The following SRRM3 variants were observed in gnomAD, a reference collection of about 807,000 sequenced individuals.
The protein encoded by SRRM3 is serine/arginine repetitive matrix protein 3.
SRRM3 carries 27 observed loss-of-function variants against 66.2 expected under a neutral mutation model. The ratio of observed to expected loss-of-function variants is 0.41; its 90% CI spans 0.30 to 0.56. The LOEUF (loss-of-function observed/expected upper bound fraction) is 0.56. Ranked by LOEUF, SRRM3 falls within the 20% of genes least tolerant of loss-of-function variation. The pLI is 0.32. For synonymous variants in SRRM3, 391 were observed against 414.9 expected (o/e 0.94, Z 0.70); for missense variants, 918 against 991.9 (o/e 0.93, Z 1.00).
At chr7:76,256,363 C>G (rs782475925) in intron 3 of SRRM3, among the ~76,000 whole-genome samples, 7 of 151,900 alleles carry the variant, frequency 4.6e-5, no homozygotes, top group Non-Finnish European at 1.0e-4. Flanking sequence ...AAAAATTGGC[C>G]GGGCGTGGTG....
At chr7:76,266,299 TATAA>T (rs1452590938) in intron 10 of SRRM3, among the ~76,000 whole-genome samples, 2 of 113,306 alleles carry the variant, frequency 1.8e-5, no homozygotes, top group African/African-American at 7.2e-5. Context: ...ATATATTTAA[TATAA>T]ATATTAACAT....
intron 1 of SRRM3, among the ~76,000 whole-genome samples, chr7:76,223,217 A>G (rs1251169574): frequency 5.3e-5 from 8 of 152,134 alleles, no homozygotes; most frequent in African/African-American, 1.9e-4. Context: ...GACCTGAATG[A>G]ATGACCCAAC....
intron 11 of SRRM3, 119 bp from the exon 12 acceptor site, chr7:76,281,322 G>T: frequency 1.5e-6 from 1 of 684,906 alleles, no homozygotes; most frequent in Admixed American, 5.3e-5. Context: ...TTCTGTCTCT[G>T]TCTCTGTCTC....
chr7:76,282,714 G>A lies in SRRM3; in HGVS notation c.1437G>A (p.Arg479=), dbSNP rs1308407070. The A allele has an allele frequency of 9.8e-6, 14 of 1,425,342 alleles. 1 individual carries two copies. The highest frequency in any genetic ancestry group is 5.9e-5 in the Admixed American group (2 of 33,756). The allele number at this position is 1,425,342 out of a possible 1,614,324, so 88.3% of individuals were successfully genotyped here. Residue 479 remains arginine, a synonymous_variant, in exon 13 of 15, where the codon CGG becomes CGA. Transcript: ENST00000611745. ...STSPSPGAHG[R]RGGPEGKSSS... is the part of the protein sequence containing the mutation. ...CTCCGTCCCCGGGCGCGCACGGCCG[G>A]CGCGGCGGCCCAGAAGGGAAGAGCT...
At chr7:76,219,920 A>T (rs1229161813) in intron 1 of SRRM3, among the ~76,000 whole-genome samples, 1 of 152,086 alleles carries the variant, frequency 6.6e-6, no homozygotes, top group East Asian at 1.9e-4. Context: ...AAAAACAAAC[A>T]AACAAACAAA....
intron 1 of SRRM3, among the ~76,000 whole-genome samples, chr7:76,217,665 A>T (rs1449692039): frequency 6.6e-6 from 1 of 152,174 alleles, no homozygotes; most frequent in Non-Finnish European, 1.5e-5. Flanking sequence ...CACTGCTTAC[A>T]GGCTGGCACA....
intron 6 of SRRM3, 131 bp downstream of exon 6, chr7:76,261,034 GT>G: frequency 1.0e-6 from 1 of 990,744 alleles, no homozygotes. Context: ...CAAGGTGCAA[GT>G]TTTGCCCCTA....
At chr7:76,266,269 TTTAA>T (rs1802038769) in intron 10 of SRRM3, among the ~76,000 whole-genome samples, 3 of 75,550 alleles carry the variant, frequency 4.0e-5, no homozygotes, top group African/African-American at 1.3e-4. Context: ...TATATTTATA[TTTAA>T]TTATATTATA....
chr7:76,257,220 A>C (rs1296900245), intron 3 of SRRM3, among the ~76,000 whole-genome samples: 1 of 151,998 alleles, frequency 6.6e-6, no homozygotes, highest in East Asian at 1.9e-4. Flanking sequence ...TCATGTTCTT[A>C]ATGCTCTGCC....
chr7:76,228,169 C>A (rs1436024001), intron 1 of SRRM3, among the ~76,000 whole-genome samples: 1 of 152,082 alleles, frequency 6.6e-6, no homozygotes, highest in Non-Finnish European at 1.5e-5. Context: ...CACACCTGGG[C>A]AGAACTGCTT....
At chr7:76,240,805 C>T (rs563079480) in intron 2 of SRRM3, among the ~76,000 whole-genome samples, 22 of 152,200 alleles carry the variant, frequency 1.4e-4, no homozygotes, top group African/African-American at 5.1e-4. Context: ...TGGGGGAACA[C>T]GTGGGCCAAG....
intron 8 of SRRM3, 56 bp downstream of exon 8, chr7:76,261,637 A>T: frequency 1.9e-6 from 3 of 1,568,796 alleles, no homozygotes; most frequent in South Asian, 2.3e-5. Flanking sequence ...CCAAAGCCCA[A>T]AGGACGCAAT....
intron 1 of SRRM3, among the ~76,000 whole-genome samples, chr7:76,218,111 T>G (rs894123466): frequency 6.6e-6 from 1 of 152,156 alleles, no homozygotes; most frequent in Non-Finnish European, 1.5e-5. Context: ...CTCCCAGGTG[T>G]GAGCCTGGAG....
chr7:76,244,943 G>A (rs1801401707), intron 2 of SRRM3, among the ~76,000 whole-genome samples: 1 of 152,246 alleles, frequency 6.6e-6, no homozygotes, highest in Non-Finnish European at 1.5e-5. Flanking sequence ...CTGCCTCTGG[G>A]AACCAGACAA....
At chr7:76,225,687 C>G (rs1244169459) in intron 1 of SRRM3, among the ~76,000 whole-genome samples, 4 of 152,112 alleles carry the variant, frequency 2.6e-5, no homozygotes, top group Non-Finnish European at 4.4e-5. Flanking sequence ...TTGAGACCAG[C>G]CTGGGCAACA....
intron 2 of SRRM3, among the ~76,000 whole-genome samples, chr7:76,244,866 C>T (rs1238902188): frequency 1.3e-5 from 2 of 152,248 alleles, no homozygotes; most frequent in African/African-American, 4.8e-5. Flanking sequence ...CTCTCTATCA[C>T]CAGTCACTCA....
intron 1 of SRRM3, among the ~76,000 whole-genome samples, chr7:76,210,741 A>G (rs1200297123): frequency 2.0e-5 from 3 of 151,980 alleles, no homozygotes; most frequent in Non-Finnish European, 2.9e-5. Flanking sequence ...TGGGCAACAT[A>G]GTGAGATCCC....
chr7:76,243,123 C>G (rs1449833159), intron 2 of SRRM3, among the ~76,000 whole-genome samples: 7 of 152,166 alleles, frequency 4.6e-5, no homozygotes, highest in African/African-American at 1.7e-4. Flanking sequence ...TGGGAGGGGA[C>G]TAATATCCAG....
chr7:76,267,170 C>T (rs1266417339), intron 10 of SRRM3, 88 bp from the exon 11 acceptor site: 17 of 1,242,004 alleles, frequency 1.4e-5, no homozygotes, highest in Non-Finnish European at 1.7e-5. Flanking sequence ...TTTCCCCGTG[C>T]TGGGGAAGGG....
Sources: allele counts gnomAD v4.1 joint callset (sites outside exome capture counted in the v4.1 genomes callset), GRCh38; gene constraint gnomAD v4.1.1; transcripts MANE v1.5; gene names NCBI Gene and HGNC (gene_info 2026-07-23, HGNC 2026-07-21).